PHF21B: variants seen among roughly 807,000 people sequenced by gnomAD.
PHF21B encodes the protein PHD finger protein 4.
In PHF21B, 22 loss-of-function variants were observed where a neutral mutation model predicts 62.2. That is an observed-to-expected ratio of 0.35 (90% confidence interval 0.25 to 0.51). PHF21B has a LOEUF of 0.51. Among genes scored for constraint, PHF21B ranks in the 20% least tolerant of loss-of-function variants. The pLI is 0.97. For missense variants in PHF21B, 701 were observed against 707.9 expected, an observed-to-expected ratio of 0.99 and a Z score of 0.11; for synonymous variants, 341 against 314.7, an observed-to-expected ratio of 1.08 and a Z score of -0.88.
In PHF21B at chr22:44,998,001, T is replaced by C. The variant is rs2073151127; in HGVS notation, c.120+10544A>G. ...CAATTGTAGACTCTGAAAACAGAAATGTGCAAACTTGGGCTAGGTGATGGC... is the reference window on the plus strand; with the variant it reads ...CAATTGTAGACTCTGAAAACAGAAACGTGCAAACTTGGGCTAGGTGATGGC... On this transcript the variant is annotated intron_variant, in intron 2 of 12. Transcript: ENST00000313237. Among the ~76,000 whole-genome samples, 3 of 152,328 alleles carry C rather than the reference T, an allele frequency of 2.0e-5. No homozygotes were observed. In the South Asian group the frequency reaches 6.2e-4, roughly 32 times the overall value.
At chr22:44,969,556 C>T (rs1193721738) in intron 2 of PHF21B, among the ~76,000 whole-genome samples, 4 of 152,104 alleles carry the variant, frequency 2.6e-5, no homozygotes. Context: ...ATCCCAGCTA[C>T]TCGGGAGGCT....
intron 5 of PHF21B, among the ~76,000 whole-genome samples, chr22:44,911,684 G>C (rs1431862357): frequency 2.0e-5 from 3 of 152,234 alleles, no homozygotes; most frequent in Non-Finnish European, 4.4e-5. Flanking sequence ...GGATATACAG[G>C]CAGAAGTTTG....
At chr22:44,998,772 T>C (rs2073162728) in intron 2 of PHF21B, among the ~76,000 whole-genome samples, 1 of 152,160 alleles carries the variant, frequency 6.6e-6, no homozygotes. Context: ...TGTATTATTG[T>C]TAATAAAATA....
In PHF21B at chr22:44,893,660, A is replaced by G. The variant is rs1373871228; in HGVS notation, c.884-127T>C. The G allele has an allele frequency of 1.9e-5, 17 of 895,012 alleles. No homozygotes were observed. In the South Asian group the frequency reaches 2.4e-4, roughly 13 times the overall value. The allele number at this position is 895,012 out of a possible 1,614,324, so 55.4% of individuals were successfully genotyped here. On this transcript the variant is annotated intron_variant, in intron 6 of 12. Transcript: ENST00000313237. ...AAGCCTCTCTGTGTGCTCAGCATCC[A>G]TGCCACAGAATGGCCCAGGGTGGGT...
intron 2 of PHF21B, among the ~76,000 whole-genome samples, chr22:44,970,512 C>G (rs1297396555): frequency 1.3e-5 from 2 of 152,204 alleles, no homozygotes; most frequent in East Asian, 3.9e-4. Context: ...CCCAGGGTCT[C>G]CCCTTAACCA....
intron 5 of PHF21B, among the ~76,000 whole-genome samples, chr22:44,909,820 C>G (rs918987489): frequency 6.6e-6 from 1 of 152,258 alleles, no homozygotes; most frequent in Non-Finnish European, 1.5e-5. Context: ...CCCTGCAGAC[C>G]ATGCCCCTTC....
intron 2 of PHF21B, among the ~76,000 whole-genome samples, chr22:44,980,461 A>T (rs1428346158): frequency 6.6e-6 from 1 of 152,204 alleles, no homozygotes; most frequent in Non-Finnish European, 1.5e-5. Context: ...CACACTGCAG[A>T]CCTTGGAGGC....
At chr22:44,923,331 C>T (rs1276334560) in intron 2 of PHF21B, among the ~76,000 whole-genome samples, 1 of 125,104 alleles carries the variant, frequency 8.0e-6, no homozygotes, top group African/African-American at 2.9e-5. Context: ...CATACCATAT[C>T]AAAAAAAAAA....
At chr22:44,981,136 C>T (rs529849056) in intron 2 of PHF21B, among the ~76,000 whole-genome samples, 14 of 152,224 alleles carry the variant, frequency 9.2e-5, no homozygotes, top group Non-Finnish European at 7.4e-5. Flanking sequence ...GATGAGGAAA[C>T]GGCCTTTATG....
At chr22:44,934,359 ACAT>A (rs1358624733) in intron 2 of PHF21B, among the ~76,000 whole-genome samples, 2 of 152,212 alleles carry the variant, frequency 1.3e-5, no homozygotes, top group Admixed American at 6.5e-5. Context: ...AGGAGCGATG[ACAT>A]CATCACAACA....
intron 2 of PHF21B, among the ~76,000 whole-genome samples, chr22:44,940,627 T>G (rs943273648): frequency 6.6e-6 from 1 of 152,280 alleles, no homozygotes; most frequent in South Asian, 2.1e-4. Context: ...AAGAGAACAC[T>G]GCTCTCAGAC....
chr22:44,948,441 G>C lies in PHF21B; in HGVS notation c.121-27951C>G, dbSNP rs574309005. On this transcript the variant is annotated intron_variant, in intron 2 of 12. Transcript: ENST00000313237. ...TCATGCCTGTAATCCCGGCACTCTG[G>C]GAGGCCGAGGCGGGCAGATCATCTG... 3.9e-4 allele frequency among the ~76,000 whole-genome samples: 60 copies of C among 152,278 alleles called. 1 individual carries two copies. Among genetic ancestry groups the C allele is most frequent in the Admixed American group, 1.8e-3 (28 of 15,298 alleles).
At chr22:44,937,252 T>C (rs570041240) in intron 2 of PHF21B, among the ~76,000 whole-genome samples, 2 of 152,246 alleles carry the variant, frequency 1.3e-5, no homozygotes, top group African/African-American at 4.8e-5. Context: ...AAAATAAAAA[T>C]CCTATTCATC....
chr22:44,981,093 G>A (rs952967179), intron 2 of PHF21B, among the ~76,000 whole-genome samples: 2 of 152,188 alleles, frequency 1.3e-5, no homozygotes, highest in Non-Finnish European at 2.9e-5. Flanking sequence ...GGGGGTTGCC[G>A]TGTCTCTGGG....
chr22:44,930,537 TAGG>T (rs2071720146), intron 2 of PHF21B, among the ~76,000 whole-genome samples: 1 of 132,106 alleles, frequency 7.6e-6, no homozygotes, highest in African/African-American at 3.0e-5. Flanking sequence ...GGAAAGCACA[TAGG>T]AGTCGGGAGG....
intron 2 of PHF21B, among the ~76,000 whole-genome samples, chr22:44,928,837 CAG>C (rs1217471008): frequency 1.3e-5 from 2 of 152,230 alleles, no homozygotes; most frequent in East Asian, 1.9e-4. Flanking sequence ...CCAGGCTCTC[CAG>C]AGTCTTCACC....
At chr22:45,007,429 G>T (rs961662838) in intron 2 of PHF21B, among the ~76,000 whole-genome samples, 1 of 150,396 alleles carries the variant, frequency 6.6e-6, no homozygotes, top group African/African-American at 2.4e-5. Flanking sequence ...GTGGGAGCGC[G>T]GGGGCAGGCC....
At chr22:44,968,101 T>A (rs2072564723) in intron 2 of PHF21B, among the ~76,000 whole-genome samples, 1 of 152,146 alleles carries the variant, frequency 6.6e-6, no homozygotes, top group Non-Finnish European at 1.5e-5. Context: ...TTACTTTACT[T>A]CCTTCCTTCC....
At chr22:44,986,603 G>A (rs2072954639) in intron 2 of PHF21B, among the ~76,000 whole-genome samples, 1 of 151,836 alleles carries the variant, frequency 6.6e-6, no homozygotes, top group Admixed American at 6.6e-5. Context: ...AGTATGTCTG[G>A]GAAATGGTCT....
Sources: allele counts gnomAD v4.1 joint callset (sites outside exome capture counted in the v4.1 genomes callset), GRCh38; gene constraint gnomAD v4.1.1; transcripts MANE v1.5; gene names NCBI Gene and HGNC (gene_info 2026-07-23, HGNC 2026-07-21).